BAZ1B: variants seen among roughly 807,000 people sequenced by gnomAD.
BAZ1B encodes tyrosine-protein kinase BAZ1B.
Under a neutral mutation model 153.8 loss-of-function variants are expected in BAZ1B, and 22 were observed. That is an observed-to-expected ratio of 0.14 (90% CI 0.10 to 0.20). BAZ1B has a LOEUF of 0.20. BAZ1B is among the 10% of genes least tolerant of loss of function. The pLI, the probability that BAZ1B is intolerant of heterozygous loss-of-function variation, is 1.00. For synonymous variants in BAZ1B, 676 were observed against 633.4 expected (o/e 1.07, Z -1.01); for missense variants, 1,325 against 1,799.3 (o/e 0.74, Z 4.77).
chr7:73,470,981 C>T (rs1554571914), intron 7 of BAZ1B, among the ~76,000 whole-genome samples: 1 of 152,156 alleles, frequency 6.6e-6, no homozygotes, highest in East Asian at 1.9e-4. Context: ...CTGATCCACC[C>T]GTCTCGGCCC....
In BAZ1B at chr7:73,450,499, A is replaced by G. The variant is rs898592007; in HGVS notation, c.3580+348T>C. Among the ~76,000 whole-genome samples the G allele has an allele frequency of 4.6e-5, 7 of 152,220 alleles. No homozygotes were observed. The highest frequency in any genetic ancestry group is 6.5e-5 in the Admixed American group (1 of 15,290). On this transcript the variant is annotated intron_variant, in intron 14 of 19. Transcript: ENST00000339594. This position sits in a 1 kb window ranked among gnomAD's most constrained non-coding sequence, Gnocchi z 4.1. The stretch of plus-strand genomic sequence containing the variant: ...CCGGACTGCCTCCTGCTGAAAGCAC[A>G]TATCTTACTTCACAGATGACTAAAG...
intron 7 of BAZ1B, among the ~76,000 whole-genome samples, chr7:73,475,295 A>C (rs1159380554): frequency 2.0e-5 from 3 of 152,248 alleles, no homozygotes; most frequent in Non-Finnish European, 4.4e-5. Context: ...AGCATTGTTC[A>C]TAATAGGTAA....
At chr7:73,491,461 T>C (rs1447644569) in intron 5 of BAZ1B, among the ~76,000 whole-genome samples, 3 of 151,798 alleles carry the variant, frequency 2.0e-5, no homozygotes, top group Admixed American at 1.3e-4. Context: ...TAGTCAGGCA[T>C]GGTGATGCAT....
chr7:73,447,238 A>C, intron 16 of BAZ1B, 26 bp downstream of exon 16: 1 of 1,613,048 alleles, frequency 6.2e-7, no homozygotes, highest in Non-Finnish European at 8.5e-7. Context: ...TGTGAAATCA[A>C]CTACAAAGGC....
chr7:73,476,794 C>G, intron 7 of BAZ1B, 74 bp downstream of exon 7: 1 of 1,523,442 alleles, frequency 6.6e-7, no homozygotes, highest in Non-Finnish European at 8.7e-7. Flanking sequence ...GAGACCCTAC[C>G]ATTACCTCAG....
intron 6 of BAZ1B, among the ~76,000 whole-genome samples, chr7:73,485,822 T>C (rs1290285149): frequency 6.6e-6 from 1 of 152,178 alleles, no homozygotes. Context: ...CTTAAAGTAT[T>C]ATTTTCTTCT....
chr7:73,489,743 T>C (rs1366553071), intron 5 of BAZ1B, among the ~76,000 whole-genome samples: 1 of 152,156 alleles, frequency 6.6e-6, no homozygotes, highest in East Asian at 1.9e-4. Flanking sequence ...TAGTGAGCTA[T>C]GGTCACACCA....
chr7:73,511,289 A>G (rs1006142525), intron 1 of BAZ1B, among the ~76,000 whole-genome samples: 1 of 151,988 alleles, frequency 6.6e-6, no homozygotes, highest in Non-Finnish European at 1.5e-5. Flanking sequence ...AATAAAAAAA[A>G]ATGAAAAAAA....
chr7:73,452,660 T>C (rs1788061101), intron 13 of BAZ1B, among the ~76,000 whole-genome samples: 1 of 146,164 alleles, frequency 6.8e-6, no homozygotes, highest in Admixed American at 7.1e-5. Flanking sequence ...AGGCGGAGGC[T>C]GCAGTGAGCC....
intron 7 of BAZ1B, among the ~76,000 whole-genome samples, chr7:73,476,117 T>C (rs892968195): frequency 1.3e-5 from 2 of 152,150 alleles, no homozygotes; most frequent in East Asian, 3.9e-4. Flanking sequence ...AGCAAATCTA[T>C]AGAGACAAAG....
At chr7:73,463,235 T>C (rs926020604) in intron 11 of BAZ1B, 136 bp from the exon 12 acceptor site, 3 of 821,980 alleles carry the variant, frequency 3.6e-6, no homozygotes, top group East Asian at 5.5e-5. Context: ...GTTTTTTCTT[T>C]TTTCTTTTTT....
At chr7:73,489,093 G>C (rs1472737576) in intron 6 of BAZ1B, 101 bp downstream of exon 6, 1 of 1,227,422 alleles carries the variant, frequency 8.1e-7, no homozygotes, top group African/African-American at 1.5e-5. Flanking sequence ...TTCATTATCT[G>C]ATGTTAGAGT....
At chr7:73,487,533 A>T (rs1454083798) in intron 6 of BAZ1B, among the ~76,000 whole-genome samples, 1 of 152,222 alleles carries the variant, frequency 6.6e-6, no homozygotes, top group Non-Finnish European at 1.5e-5. Context: ...TTGAATCACT[A>T]AACTAAAATA....
intron 6 of BAZ1B, among the ~76,000 whole-genome samples, chr7:73,483,905 G>C (rs2116360199): frequency 6.6e-6 from 1 of 152,200 alleles, no homozygotes. Flanking sequence ...CCCTCAAACT[G>C]CTGAAATTAC....
At chr7:73,484,292 AAGATAGAT>A (rs142355745) in intron 6 of BAZ1B, among the ~76,000 whole-genome samples, 1,702 of 150,826 alleles carry the variant, frequency 0.011, 34 homozygotes, top group African/African-American at 0.039. Context: ...CGGAGGGAGG[AAGATAGAT>A]AGATAGATAG....
chr7:73,475,079 G>C (rs1222769984), intron 7 of BAZ1B, among the ~76,000 whole-genome samples: 8 of 152,282 alleles, frequency 5.3e-5, no homozygotes, highest in Non-Finnish European at 7.4e-5. Context: ...AAAATAACAA[G>C]TATTGATGAG....
At chr7:73,499,024 CTTA>C (rs1176974185) in intron 3 of BAZ1B, among the ~76,000 whole-genome samples, 4 of 152,122 alleles carry the variant, frequency 2.6e-5, no homozygotes, top group Non-Finnish European at 5.9e-5. Context: ...TATGTATTTA[CTTA>C]TTATTATTTT....
In BAZ1B at chr7:73,478,346, ATCT is replaced by A. The variant is rs1161836965; in HGVS notation, c.1112_1114del (p.Lys371del). 6.2e-7 allele frequency: 1 copy of A among 1,612,632 alleles called. No homozygotes were observed. The highest frequency in any genetic ancestry group is 1.3e-5 in the African/African-American group (1 of 74,748). Reference sequence around the variant, plus strand: ...AGTGTGCAGCTTATTGGGCGACATCATCTTCATCATTTCTTCTAGATGTTCTTC... The same window carrying A: ...AGTGTGCAGCTTATTGGGCGACATCATCATCATTTCTTCTAGATGTTCTTC... On this transcript the variant is annotated inframe_deletion, in exon 7 of 20. Coordinates refer to ENST00000339594, the MANE Select transcript of BAZ1B (RefSeq NM_032408.4).
intron 4 of BAZ1B, among the ~76,000 whole-genome samples, chr7:73,497,197 CG>C (rs1314598939): frequency 2.6e-5 from 4 of 151,816 alleles, no homozygotes; most frequent in Non-Finnish European, 4.4e-5. Flanking sequence ...GAGCCATGAT[CG>C]TACCACTGCA....
Sources: gnomAD v4.1 joint callset for allele counts (sites outside exome capture counted in the v4.1 genomes callset) on GRCh38, gnomAD v4.1.1 for gene constraint, Gnocchi (gnomAD v3.1) non-coding constraint, MANE v1.5 for transcripts, NCBI Gene and HGNC (gene_info 2026-07-23, HGNC 2026-07-21) for gene names.